Variants in SPAG16 observed in about 807,000 individuals in gnomAD.
SPAG16 encodes sperm associated antigen 16, also known as sperm-associated antigen 16 protein.
In SPAG16, 86 loss-of-function variants were observed where a neutral mutation model predicts 80.4. The observed-to-expected ratio is 1.07, with a 90% confidence interval of 0.90 to 1.28. The LOEUF is 1.28. Ranked by LOEUF, SPAG16 falls within the 50% of genes most tolerant of loss-of-function variation. The pLI, the probability that SPAG16 is intolerant of heterozygous loss-of-function variation, is 0.00. For missense variants in SPAG16, 870 were observed against 765.3 expected (o/e 1.14, Z -1.61); for synonymous variants, 294 against 265.9 (o/e 1.11, Z -1.03).
intron 12 of SPAG16, among the ~76,000 whole-genome samples, chr2:213,966,266 C>T (rs74941787): frequency 0.011 from 1,613 of 152,306 alleles, 36 homozygotes; most frequent in African/African-American, 0.036. Context: ...TGGTCTCTTA[C>T]TGTTCTTACT....
At chr2:214,045,187 C>T (rs1197717171) in intron 13 of SPAG16, among the ~76,000 whole-genome samples, 1 of 152,140 alleles carries the variant, frequency 6.6e-6, no homozygotes, top group Non-Finnish European at 1.5e-5. Flanking sequence ...TGTCTTGCAT[C>T]TTAAATACCA....
intron 13 of SPAG16, among the ~76,000 whole-genome samples, chr2:214,037,852 T>C (rs1165469928): frequency 6.8e-6 from 1 of 147,018 alleles, no homozygotes; most frequent in African/African-American, 2.5e-5. Context: ...CTGTTATTAT[T>C]CCCAGAAGCC....
At chr2:213,907,119 T>C (rs1297397618) in intron 11 of SPAG16, among the ~76,000 whole-genome samples, 1 of 152,130 alleles carries the variant, frequency 6.6e-6, no homozygotes, top group African/African-American at 2.4e-5. Context: ...CATTCAACAA[T>C]GGACTGATAT....
At chr2:213,997,145 T>C (rs1363781318) in intron 12 of SPAG16, among the ~76,000 whole-genome samples, 5 of 152,174 alleles carry the variant, frequency 3.3e-5, no homozygotes. Flanking sequence ...ATTTTCTTCC[T>C]TTGATAGCTT....
At chr2:213,928,838 A>G (rs544368991) in intron 11 of SPAG16, among the ~76,000 whole-genome samples, 11 of 152,002 alleles carry the variant, frequency 7.2e-5, no homozygotes, top group African/African-American at 2.7e-4. Flanking sequence ...GAACACATTT[A>G]AAAAGCATGC....
intron 12 of SPAG16, among the ~76,000 whole-genome samples, chr2:214,011,146 T>C (rs960172985): frequency 1.3e-4 from 19 of 145,456 alleles, no homozygotes; most frequent in Non-Finnish European, 2.5e-4. Flanking sequence ...TCTCTCTTTT[T>C]CTCTCCCACC....
intron 10 of SPAG16, among the ~76,000 whole-genome samples, chr2:213,794,046 C>G (rs192609588): frequency 6.6e-6 from 1 of 152,218 alleles, no homozygotes; most frequent in Admixed American, 6.5e-5. Context: ...AGAAACTTTT[C>G]AACCTTTTAC....
Position 214,048,578 on chromosome 2 carries a change from G to C in SPAG16, c.1527+34501G>C, listed in dbSNP as rs367720980. Reference sequence around the variant, plus strand: ...AGGAAGGGGGTAGTAGACGGGTGGCGGGGGGAAGTAGGAATGATTAATAGA... The same window carrying C: ...AGGAAGGGGGTAGTAGACGGGTGGCCGGGGGAAGTAGGAATGATTAATAGA... On this transcript the variant is annotated intron_variant, in intron 13 of 15. Transcript: ENST00000331683. Among the ~76,000 whole-genome samples, 5 of 151,954 alleles carry C rather than the reference G, an allele frequency of 3.3e-5. No individual in the cohort carries two copies. The East Asian group carries it at 7.8e-4, about 24-fold the overall frequency.
intron 1 of SPAG16, among the ~76,000 whole-genome samples, chr2:213,286,430 A>G (rs1189035402): frequency 2.0e-5 from 3 of 152,236 alleles, no homozygotes; most frequent in Non-Finnish European, 4.4e-5. Flanking sequence ...TTACTTGTGA[A>G]TACCAATTAT....
intron 9 of SPAG16, among the ~76,000 whole-genome samples, chr2:213,479,951 G>A (rs1575701641): frequency 6.6e-6 from 1 of 152,160 alleles, no homozygotes; most frequent in African/African-American, 2.4e-5. Context: ...CTCTTCATAT[G>A]TCCACCTAGT....
At chr2:214,242,590 GA>G (rs1477667140) in intron 15 of SPAG16, among the ~76,000 whole-genome samples, 69 of 151,934 alleles carry the variant, frequency 4.5e-4, no homozygotes, top group Admixed American at 3.3e-4. Context: ...CAAAAAATAA[GA>G]AAAAAATATT....
intron 5 of SPAG16, among the ~76,000 whole-genome samples, chr2:213,323,164 G>A (rs527903571): frequency 7.1e-4 from 108 of 152,308 alleles, no homozygotes; most frequent in African/African-American, 2.4e-3. Context: ...CAATATGTCC[G>A]GCGCGGTGGC....
intron 9 of SPAG16, among the ~76,000 whole-genome samples, chr2:213,408,250 A>G (rs376950017): frequency 1.3e-5 from 2 of 152,354 alleles, no homozygotes; most frequent in South Asian, 4.1e-4. Flanking sequence ...AAGTGTAAAC[A>G]AGGGCATAGC....
At chr2:213,323,483 T>C (rs2063713300) in intron 5 of SPAG16, among the ~76,000 whole-genome samples, 1 of 152,184 alleles carries the variant, frequency 6.6e-6, no homozygotes, top group Non-Finnish European at 1.5e-5. Flanking sequence ...AGTGTTGATG[T>C]AAATGTGGAA....
chr2:213,834,568 A>G (rs2073973908), intron 10 of SPAG16, among the ~76,000 whole-genome samples: 1 of 152,132 alleles, frequency 6.6e-6, no homozygotes, highest in African/African-American at 2.4e-5. Context: ...ACAGATGAGT[A>G]AGAGAGTGAC....
intron 9 of SPAG16, among the ~76,000 whole-genome samples, chr2:213,482,439 C>T (rs1369839457): frequency 6.6e-6 from 1 of 152,152 alleles, no homozygotes; most frequent in Non-Finnish European, 1.5e-5. Context: ...AAATTAGTGC[C>T]ATGTGCTGGG....
chr2:213,610,892 C>T (rs1213439634), intron 10 of SPAG16, among the ~76,000 whole-genome samples: 1 of 152,172 alleles, frequency 6.6e-6, no homozygotes, highest in African/African-American at 2.4e-5. Context: ...AATTAGGAAT[C>T]TCTTTGTTCT....
At chr2:213,338,965 C>T (rs1459841442) in intron 5 of SPAG16, among the ~76,000 whole-genome samples, 1 of 151,654 alleles carries the variant, frequency 6.6e-6, no homozygotes, top group Non-Finnish European at 1.5e-5. Flanking sequence ...AGTAAACCAC[C>T]GTGGCACATG....
chr2:213,415,411 T>C (rs944588939), intron 9 of SPAG16, among the ~76,000 whole-genome samples: 3 of 152,206 alleles, frequency 2.0e-5, no homozygotes, highest in Non-Finnish European at 2.9e-5. Flanking sequence ...CCTGGAAATA[T>C]CATTTTTTCA....
Sources: gnomAD v4.1 joint callset for allele counts (sites outside exome capture counted in the v4.1 genomes callset) on GRCh38, gnomAD v4.1.1 for gene constraint, MANE v1.5 for transcripts, NCBI Gene and HGNC (gene_info 2026-07-23, HGNC 2026-07-21) for gene names.